Variants in SV2C observed in about 807,000 individuals in gnomAD.
SV2C encodes the protein solute carrier family 22 member B3.
In SV2C, 49 loss-of-function variants were observed where a neutral mutation model predicts 79.7. The ratio of observed to expected loss-of-function variants is 0.61; its 90% CI spans 0.49 to 0.78. The LOEUF (loss-of-function observed/expected upper bound fraction) is 0.78. SV2C is among the 30% of genes least tolerant of loss of function. SV2C has a pLI of 0.00. For synonymous variants in SV2C, 334 were observed against 333.2 expected, an observed-to-expected ratio of 1.00 and a Z score of -0.03; for missense variants, 833 against 912.9, an observed-to-expected ratio of 0.91 and a Z score of 1.13.
chr5:76,254,239 T>C (rs1039725708), intron 4 of SV2C, among the ~76,000 whole-genome samples: 2 of 112,016 alleles, frequency 1.8e-5, no homozygotes, highest in African/African-American at 6.7e-5. Flanking sequence ...TATGTGTGTG[T>C]GTATATATAT....
the SV2C span, among the ~76,000 whole-genome samples, chr5:75,907,137 G>A: frequency 6.6e-6 from 1 of 152,188 alleles, no homozygotes; most frequent in East Asian, 1.9e-4. Context: ...TTGACCAGGT[G>A]TGGGGCCAAA....
chr5:76,051,511 T>G, the SV2C span, among the ~76,000 whole-genome samples: 1 of 152,252 alleles, frequency 6.6e-6, no homozygotes, highest in East Asian at 1.9e-4. Flanking sequence ...TAAAAACCAC[T>G]CAAAATTAGA....
At chr5:75,972,466 C>G in the SV2C span, among the ~76,000 whole-genome samples, 2 of 151,936 alleles carry the variant, frequency 1.3e-5, no homozygotes, top group East Asian at 1.9e-4. Context: ...ACAAAGAACT[C>G]AAACAAATTT....
chr5:75,851,767 A>G, the SV2C span, among the ~76,000 whole-genome samples: 3 of 152,192 alleles, frequency 2.0e-5, no homozygotes, highest in Middle Eastern at 3.4e-3. Flanking sequence ...CCGCTGCCTC[A>G]GCCTCCCCAG....
the SV2C span, among the ~76,000 whole-genome samples, chr5:75,870,598 CA>C: frequency 6.6e-6 from 1 of 152,058 alleles, no homozygotes; most frequent in African/African-American, 2.4e-5. Context: ...GAAGTTTATT[CA>C]AAGGGATAAT....
the SV2C span, among the ~76,000 whole-genome samples, chr5:75,888,729 T>A: frequency 2.0e-5 from 3 of 152,120 alleles, no homozygotes; most frequent in Non-Finnish European, 4.4e-5. Flanking sequence ...CTTAGCATAA[T>A]TTGTAATTTT....
At chr5:76,345,120 G>A (rs1048357164) in intron 12 of SV2C, among the ~76,000 whole-genome samples, 1 of 152,226 alleles carries the variant, frequency 6.6e-6, no homozygotes, top group Non-Finnish European at 1.5e-5. Flanking sequence ...GTAGAAGGGA[G>A]AGTGTCAGCA....
the SV2C span, among the ~76,000 whole-genome samples, chr5:75,904,524 C>G: frequency 1.3e-5 from 2 of 152,064 alleles, no homozygotes. Flanking sequence ...TGAGGATGGG[C>G]TGCCCCTGTC....
chr5:76,081,012 C>T (rs1746977876), upstream of SV2C, among the ~76,000 whole-genome samples: 1 of 152,150 alleles, frequency 6.6e-6, no homozygotes. Context: ...TCCAAAGACA[C>T]AACGTTAAAA....
chr5:76,190,079 A>G (rs12153450), intron 2 of SV2C, among the ~76,000 whole-genome samples: 15,567 of 152,290 alleles, frequency 0.1, 941 homozygotes, highest in Non-Finnish European at 0.13. Flanking sequence ...GAGTGAAAGG[A>G]AAACACTTGC....
At chr5:76,309,262 C>T (rs1420900440) in intron 12 of SV2C, among the ~76,000 whole-genome samples, 1 of 152,062 alleles carries the variant, frequency 6.6e-6, no homozygotes, top group Non-Finnish European at 1.5e-5. Flanking sequence ...AGAGCTCCCT[C>T]TAATGGCCAG....
At chr5:76,000,774 A>T in the SV2C span, among the ~76,000 whole-genome samples, 5 of 152,166 alleles carry the variant, frequency 3.3e-5, no homozygotes, top group African/African-American at 1.2e-4. Flanking sequence ...CTGGATTTAT[A>T]GTTCGGCTTC....
rs1748721846 is a variant in SV2C, at chr5:76,318,800, A to G, written c.2001-6564A>G. Among the ~76,000 whole-genome samples, 3 of 152,356 alleles carry G rather than the reference A, an allele frequency of 2.0e-5. 1 individual carries two copies. The South Asian group carries it at 6.2e-4, about 32-fold the overall frequency. Reference sequence around the variant, plus strand: ...CAATAGAATGACACTAGATCATTTCATTCTTTCCCTTCAGTGCTTGTTGTT... The same window carrying G: ...CAATAGAATGACACTAGATCATTTCGTTCTTTCCCTTCAGTGCTTGTTGTT... On this transcript the variant is annotated intron_variant, in intron 12 of 12. Transcript: ENST00000502798.
At chr5:76,035,034 G>A in the SV2C span, among the ~76,000 whole-genome samples, 47 of 152,098 alleles carry the variant, frequency 3.1e-4, no homozygotes, top group South Asian at 3.7e-3. Context: ...GTTTATTTGC[G>A]TAGAGGTGTT....
the SV2C span, among the ~76,000 whole-genome samples, chr5:75,850,528 A>G: frequency 1.1e-3 from 166 of 152,284 alleles, 2 homozygotes; most frequent in East Asian, 0.028. Context: ...ATTTGTTACT[A>G]TGACTACCTA....
chr5:76,045,781 T>C, the SV2C span, among the ~76,000 whole-genome samples: 2 of 152,206 alleles, frequency 1.3e-5, no homozygotes, highest in African/African-American at 2.4e-5. Flanking sequence ...TACTTCTCAA[T>C]TGACTCTCAC....
chr5:75,908,472 C>T, the SV2C span, among the ~76,000 whole-genome samples: 2 of 152,156 alleles, frequency 1.3e-5, no homozygotes, highest in Non-Finnish European at 2.9e-5. Flanking sequence ...CAGTCAGGGA[C>T]ATTTGGATTG....
intron 2 of SV2C, among the ~76,000 whole-genome samples, chr5:76,183,058 CAG>C (rs1340290183): frequency 8.7e-5 from 9 of 103,750 alleles, no homozygotes; most frequent in Admixed American, 6.6e-4. Context: ...TTTTTTGAGA[CAG>C]AGTCTCACTC....
At chr5:75,996,303 A>G in the SV2C span, among the ~76,000 whole-genome samples, 12 of 152,176 alleles carry the variant, frequency 7.9e-5, no homozygotes, top group South Asian at 8.3e-4. Context: ...GTAGATATGC[A>G]GCATTATTTC....
Sources: gnomAD v4.1 joint callset for allele counts (sites outside exome capture counted in the v4.1 genomes callset) on GRCh38, gnomAD v4.1.1 for gene constraint, MANE v1.5 for transcripts, NCBI Gene and HGNC (gene_info 2026-07-23, HGNC 2026-07-21) for gene names.